Variants in PARP15 observed in about 807,000 individuals in gnomAD.
The protein encoded by PARP15 is poly(ADP-ribose) polymerase family member 15.
PARP15 carries 50 observed loss-of-function variants against 62.1 expected under a neutral mutation model. That is an observed-to-expected ratio of 0.81 (90% CI 0.64 to 1.02). The LOEUF is 1.02. Ranked by LOEUF, PARP15 falls within the 50% of genes least tolerant of loss-of-function variation. The pLI is 0.00. For missense variants in PARP15, 820 were observed against 826.5 expected, an observed-to-expected ratio of 0.99 and a Z score of 0.10; for synonymous variants, 309 against 293.1, an observed-to-expected ratio of 1.05 and a Z score of -0.55.
chr3:122,610,827 C>T (rs1392241137), intron 3 of PARP15, 97 bp downstream of exon 3: 1 of 1,050,708 alleles, frequency 9.5e-7, no homozygotes, highest in East Asian at 2.7e-5. Flanking sequence ...AATTTTGCCC[C>T]ACAGAGGACA....
intron 1 of PARP15, among the ~76,000 whole-genome samples, chr3:122,602,833 G>A (rs1350690371): frequency 1.3e-5 from 2 of 152,146 alleles, no homozygotes; most frequent in African/African-American, 4.8e-5. Context: ...AACATGCATG[G>A]AATTGACTTG....
At chr3:122,604,028 A>G (rs1049098989) in intron 1 of PARP15, among the ~76,000 whole-genome samples, 3 of 152,240 alleles carry the variant, frequency 2.0e-5, no homozygotes, top group Non-Finnish European at 2.9e-5. Flanking sequence ...GATATGGATT[A>G]GTAATGTCTG....
intron 2 of PARP15, among the ~76,000 whole-genome samples, chr3:122,606,389 A>G (rs946603148): frequency 1.3e-5 from 2 of 152,232 alleles, no homozygotes; most frequent in African/African-American, 4.8e-5. Flanking sequence ...AGTGAGGAAG[A>G]TATGTGTACA....
At chr3:122,619,097 G>T (rs544402248) in intron 6 of PARP15, among the ~76,000 whole-genome samples, 2 of 152,158 alleles carry the variant, frequency 1.3e-5, no homozygotes, top group East Asian at 3.9e-4. Context: ...TCTGCATGCC[G>T]GCTTCTGTGC....
At chr3:122,622,522 C>T (rs1936415870) in intron 8 of PARP15, among the ~76,000 whole-genome samples, 1 of 152,166 alleles carries the variant, frequency 6.6e-6, no homozygotes, top group African/African-American at 2.4e-5. Context: ...TTTCCAAACT[C>T]TTCAGACCTC....
At chr3:122,583,870 C>G (rs1404335845) in intron 1 of PARP15, among the ~76,000 whole-genome samples, 1 of 152,162 alleles carries the variant, frequency 6.6e-6, no homozygotes. Flanking sequence ...GCAACTCTCT[C>G]CTCTCCAGTA....
intron 1 of PARP15, 49 bp downstream of exon 1, chr3:122,577,902 C>T: frequency 6.8e-7 from 1 of 1,475,954 alleles, no homozygotes; most frequent in Non-Finnish European, 9.0e-7. Flanking sequence ...AGGGCTGAGC[C>T]TGGGGCCCGC....
chr3:122,591,909 A>G (rs1006831342), intron 1 of PARP15, among the ~76,000 whole-genome samples: 26 of 152,232 alleles, frequency 1.7e-4, no homozygotes, highest in African/African-American at 6.0e-4. Context: ...CACGCCAATC[A>G]GAATGGTGAT....
Position 122,613,049 on chromosome 3 carries a change from A to C in PARP15, c.552A>C (p.Ala184=). The C allele has an allele frequency of 6.4e-7, 1 of 1,551,122 alleles. No individual in the cohort carries two copies. The highest frequency in any genetic ancestry group is 8.7e-7 in the Non-Finnish European group (1 of 1,146,208). Residue 184 remains alanine, a synonymous_variant, in exon 4 of 12, where the codon GCA becomes GCC. Coordinates refer to ENST00000464300, the MANE Select transcript of PARP15 (RefSeq NM_001113523.3). ...NGAETSWQIM[A]NIIKKCLTTV... ...TACTTTGCACATTTCAGATCATGGCAAATATAATCAAGAAATGTTTGACAA... is the reference window on the plus strand; with the variant it reads ...TACTTTGCACATTTCAGATCATGGCCAATATAATCAAGAAATGTTTGACAA...
chr3:122,619,203 G>C (rs915863466), intron 6 of PARP15, among the ~76,000 whole-genome samples: 1 of 152,156 alleles, frequency 6.6e-6, no homozygotes, highest in Non-Finnish European at 1.5e-5. Context: ...GAACTTATTA[G>C]TCACATACTA....
chr3:122,612,517 A>C (rs111775571), intron 3 of PARP15, among the ~76,000 whole-genome samples: 27,368 of 151,740 alleles, frequency 0.18, 2,933 homozygotes, highest in Non-Finnish European at 0.24. Flanking sequence ...GCTCACTGCA[A>C]GCTCCGCCTG....
intron 2 of PARP15, among the ~76,000 whole-genome samples, chr3:122,608,016 T>C (rs1353837151): frequency 2.6e-5 from 4 of 152,154 alleles, no homozygotes; most frequent in African/African-American, 7.2e-5. Flanking sequence ...CAGGTACTTC[T>C]CTGCACACAC....
chr3:122,593,090 GTCTATCTA>G (rs3052715), intron 1 of PARP15, among the ~76,000 whole-genome samples: 19 of 147,752 alleles, frequency 1.3e-4, no homozygotes, highest in African/African-American at 4.6e-4. Flanking sequence ...AAAATTATCT[GTCTATCTA>G]TCTATCTATC....
rs1410369835 is a variant in PARP15 at position 122,638,562 on chromosome 3, A to AT, written c.*2468dup. On this transcript the variant is annotated 3_prime_UTR_variant, in exon 12 of 12. Coordinates refer to ENST00000464300, the MANE Select transcript of PARP15 (RefSeq NM_001113523.3). The stretch of plus-strand genomic sequence containing the variant: ...TCTCTGATGGCCAGTGATGATGAGC[A>AT]TTTTTTCATGTGTTTTTTGGCTGCA... The AT allele has an allele frequency of 5.3e-5, 8 of 152,026 alleles. No homozygotes were observed. Among genetic ancestry groups the AT allele is most frequent in the Non-Finnish European group, 7.4e-5 (5 of 68,008 alleles). 9.4% of individuals were successfully genotyped at this position (152,026 alleles called of 1,614,324 possible). A position where few individuals can be genotyped will look rare whatever the true frequency, so the allele number is the denominator to read the frequency against.
At chr3:122,599,387 A>C (rs1934611066) in intron 1 of PARP15, among the ~76,000 whole-genome samples, 1 of 151,910 alleles carries the variant, frequency 6.6e-6, no homozygotes, top group Non-Finnish European at 1.5e-5. Context: ...AAAAAAAAAG[A>C]ATCCCAAATG....
At chr3:122,613,749 T>C (rs1181928144) in intron 4 of PARP15, among the ~76,000 whole-genome samples, 1 of 151,932 alleles carries the variant, frequency 6.6e-6, no homozygotes, top group African/African-American at 2.4e-5. Flanking sequence ...AGAAGAATGG[T>C]ATACTTAGGT....
chr3:122,605,402 T>A (rs149428068), intron 1 of PARP15, among the ~76,000 whole-genome samples: 3 of 152,128 alleles, frequency 2.0e-5, no homozygotes, highest in African/African-American at 7.2e-5. Flanking sequence ...GGGGAATAAG[T>A]AAAAAACTCA....
rs912203179 is a variant in PARP15, at chr3:122,637,599, C to T, written c.*1499C>T. 4 of 152,098 alleles carry T rather than the reference C, an allele frequency of 2.6e-5. No homozygotes were observed. The highest frequency in any genetic ancestry group is 9.7e-5 in the African/African-American group (4 of 41,416). The allele number at this position is 152,098 out of a possible 1,614,324, so 9.4% of individuals were successfully genotyped here. On this transcript the variant is annotated 3_prime_UTR_variant, in exon 12 of 12. Coordinates refer to ENST00000464300, the MANE Select transcript of PARP15 (RefSeq NM_001113523.3). ...TATTTACATTATCATAAATAAATTA[C>T]ATGCGCATTTAAAGAGAACAGAAAA...
In PARP15 at chr3:122,636,479, G is replaced by T. The variant is rs1372733110; in HGVS notation, c.*379G>T. The T allele has an allele frequency of 4.7e-6, 1 of 212,092 alleles. No individual in the cohort carries two copies. Among genetic ancestry groups the T allele is most frequent in the African/African-American group, 2.3e-5 (1 of 43,756 alleles). 13.1% of individuals were successfully genotyped at this position (212,092 alleles called of 1,614,324 possible). ...ACATCGAATGGTGGCGGGTTAAACT[G>T]TACTGCTTAAGTGGAGCGGCTACCG... On this transcript the variant is annotated 3_prime_UTR_variant, in exon 12 of 12. Transcript: ENST00000464300.
Sources: gnomAD v4.1 joint callset for allele counts (sites outside exome capture counted in the v4.1 genomes callset) on GRCh38, gnomAD v4.1.1 for gene constraint, MANE v1.5 for transcripts, NCBI Gene and HGNC (gene_info 2026-07-23, HGNC 2026-07-21) for gene names.